Variants in PCDHGA9 observed in about 807,000 individuals in gnomAD.
The protein encoded by PCDHGA9 is protocadherin gamma-A9.
A neutral mutation model predicts 62.5 loss-of-function variants in PCDHGA9; 37 were observed. The observed-to-expected ratio is 0.59, with a 90% CI of 0.46 to 0.78. The LOEUF (loss-of-function observed/expected upper bound fraction) is 0.78, where lower values mean the gene tolerates loss of function less well. PCDHGA9 is among the 30% of genes least tolerant of loss of function. The pLI is 0.00. For missense variants in PCDHGA9, 1,138 were observed against 1,166.2 expected, an observed-to-expected ratio of 0.98 and a Z score of 0.35; for synonymous variants, 459 against 484.6, an observed-to-expected ratio of 0.95 and a Z score of 0.69.
At chr5:141,458,730 C>T (rs1239174331) in intron 1 of PCDHGA9, among the ~76,000 whole-genome samples, 1 of 151,928 alleles carries the variant, frequency 6.6e-6, no homozygotes, top group Non-Finnish European at 1.5e-5. Flanking sequence ...CCACCACATC[C>T]AGCTATTGGT....
rs143737031 is a variant in PCDHGA9 at position 141,454,359 on chromosome 5, G to C, written c.2425-40448G>C. Among the ~76,000 whole-genome samples, 105 of 152,200 alleles carry C rather than the reference G, an allele frequency of 6.9e-4. No individual in the cohort carries two copies. In the East Asian group the frequency reaches 0.014, roughly 20 times the overall value. ...AATGTTGGAAGTTGATCCAAACTTA[G>C]AAAGGAGTATGGCAACTTGTCAAGA... On this transcript the variant is annotated intron_variant, in intron 1 of 3. Coordinates refer to ENST00000573521, the MANE Select transcript of PCDHGA9 (RefSeq NM_018921.3).
At chr5:141,462,020 T>G (rs1371390043) in intron 1 of PCDHGA9, among the ~76,000 whole-genome samples, 6 of 152,110 alleles carry the variant, frequency 3.9e-5, no homozygotes, top group Non-Finnish European at 8.8e-5. Flanking sequence ...ACGGGGTTTC[T>G]TCATGTTGGT....
chr5:141,421,650 A>G, intron 1 of PCDHGA9: 1 of 1,613,868 alleles, frequency 6.2e-7, no homozygotes, highest in South Asian at 1.1e-5. Flanking sequence ...AAGTGGAGAT[A>G]AAAGTCAGTG....
intron 1 of PCDHGA9, chr5:141,423,157 G>T: frequency 1.9e-6 from 3 of 1,610,820 alleles, no homozygotes; most frequent in East Asian, 2.2e-5. Context: ...GCAGAGCCTC[G>T]TGGTGGCCGT....
Position 141,477,187 on chromosome 5 carries a change from G to A in PCDHGA9, c.2425-17620G>A, listed in dbSNP as rs2154575648. ...CCCCGGAGATCACAGTCACCTCCGT[G>A]TACAGCCCAGTACCCGAGGATGCCC... On this transcript the variant is annotated intron_variant, in intron 1 of 3. Coordinates refer to ENST00000573521, the MANE Select transcript of PCDHGA9 (RefSeq NM_018921.3). The surrounding 1 kb of genome is among the most constrained non-coding windows in gnomAD (Gnocchi z 4.9). The A allele has an allele frequency of 6.2e-7, 1 of 1,614,190 alleles. No individual in the cohort carries two copies. The highest frequency in any genetic ancestry group is 2.2e-5 in the East Asian group (1 of 44,874).
At chr5:141,472,620 A>G (rs2099290656) in intron 1 of PCDHGA9, among the ~76,000 whole-genome samples, 1 of 152,136 alleles carries the variant, frequency 6.6e-6, no homozygotes, top group Admixed American at 6.5e-5. Context: ...AGAAGAAAAA[A>G]GATAAAGACT....
intron 2 of PCDHGA9, among the ~76,000 whole-genome samples, chr5:141,503,269 C>A (rs1161751693): frequency 6.6e-6 from 1 of 152,116 alleles, no homozygotes; most frequent in Non-Finnish European, 1.5e-5. Context: ...ACCCCAGCAC[C>A]TGGCTCTGTG....
intron 1 of PCDHGA9, among the ~76,000 whole-genome samples, chr5:141,467,790 C>T (rs1321576171): frequency 6.6e-6 from 1 of 152,118 alleles, no homozygotes; most frequent in Non-Finnish European, 1.5e-5. Context: ...TCTCAAGTAG[C>T]TGGGACTACA....
chr5:141,473,796 G>A (rs2099328996), intron 1 of PCDHGA9, among the ~76,000 whole-genome samples: 1 of 152,224 alleles, frequency 6.6e-6, no homozygotes, highest in African/African-American at 2.4e-5. Context: ...GCAGTATGAT[G>A]CTACTGAGGA....
Position 141,405,059 on chromosome 5 carries a change from G to A in PCDHGA9, c.2107G>A (p.Val703Ile), listed in dbSNP as rs374581472. Reference sequence around the variant, plus strand: ...TGTGGCTGTGGCAGTCGTCTCCTGTGTCTTCCTCACCTTCGTTATCACGCT... The same window carrying A: ...TGTGGCTGTGGCAGTCGTCTCCTGTATCTTCCTCACCTTCGTTATCACGCT... Reference protein sequence around the residue: ...LVVAVAVVSCVFLTFVITLLA... With the variant: ...LVVAVAVVSCIFLTFVITLLA... The change falls in exon 1 of 4, where the codon GTC becomes ATC. Residue 703 changes from valine to isoleucine, a missense_variant. By Grantham distance (29) the Val-to-Ile change is conservative. Transcript: ENST00000573521. 1.4e-5 allele frequency: 22 copies of A among 1,613,900 alleles called. No homozygotes were observed. The highest frequency in any genetic ancestry group is 1.9e-5 in the Non-Finnish European group (22 of 1,179,790).
intron 1 of PCDHGA9, among the ~76,000 whole-genome samples, chr5:141,456,968 A>AAAAC (rs202005606): frequency 1.3e-4 from 20 of 152,282 alleles, no homozygotes; most frequent in Middle Eastern, 3.4e-3. Flanking sequence ...ATCTCAAAAC[A>AAAAC]AAACAAACAA....
intron 2 of PCDHGA9, among the ~76,000 whole-genome samples, chr5:141,499,083 C>G (rs2099789346): frequency 6.6e-6 from 1 of 152,082 alleles, no homozygotes; most frequent in African/African-American, 2.4e-5. Flanking sequence ...GAAGTTCCTG[C>G]TTGGCACATG....
At chr5:141,494,569 T>G (rs1341706026) in intron 1 of PCDHGA9, among the ~76,000 whole-genome samples, 2 of 152,190 alleles carry the variant, frequency 1.3e-5, no homozygotes, top group Non-Finnish European at 2.9e-5. Flanking sequence ...GAAAGGAGTC[T>G]CAGCTTGCTC....
chr5:141,476,756 C>T lies in PCDHGA9; in HGVS notation c.2425-18051C>T. On this transcript the variant is annotated intron_variant, in intron 1 of 3. Transcript: ENST00000573521. The surrounding 1 kb of genome is among the most constrained non-coding windows in gnomAD (Gnocchi z 7.6). ...ACGGGAGCCTAGTCTCCAGTTAGTGCTGACGGCGTTGGACGGAGGGACCCC... is the reference window on the plus strand; with the variant it reads ...ACGGGAGCCTAGTCTCCAGTTAGTGTTGACGGCGTTGGACGGAGGGACCCC... 3 of 1,613,928 alleles carry T rather than the reference C, an allele frequency of 1.9e-6. No homozygotes were observed. Among genetic ancestry groups the T allele is most frequent in the Non-Finnish European group, 2.5e-6 (3 of 1,180,010 alleles).
At position 141,486,960 on chromosome 5, in the gene PCDHGA9, T is replaced by C; in HGVS notation, c.2425-7847T>C. On this transcript the variant is annotated intron_variant, in intron 1 of 3. Transcript: ENST00000573521. The surrounding 1 kb of genome is among the most constrained non-coding windows in gnomAD (Gnocchi z 5.0). Reference sequence around the variant, plus strand: ...CACCTAATCACAAAGGTGACTGCTGTGGACTTGGATTCAGGTTACAATGCT... The same window carrying C: ...CACCTAATCACAAAGGTGACTGCTGCGGACTTGGATTCAGGTTACAATGCT... The C allele has an allele frequency of 6.2e-7, 1 of 1,614,228 alleles. No individual in the cohort carries two copies. Among genetic ancestry groups the C allele is most frequent in the Non-Finnish European group, 8.5e-7 (1 of 1,180,034 alleles).
chr5:141,482,530 CA>C (rs3074545), intron 1 of PCDHGA9, among the ~76,000 whole-genome samples: 1,133 of 76,538 alleles, frequency 0.015, 6 homozygotes, highest in Admixed American at 0.025. Flanking sequence ...GACAGACATG[CA>C]AAAAAAAAAA....
chr5:141,422,263 C>T lies in PCDHGA9; in HGVS notation c.2424+16887C>T, dbSNP rs755271863. On this transcript the variant is annotated intron_variant, in intron 1 of 3. Transcript: ENST00000573521. ...TGTTGTGGATGTGAATGATAACGCT[C>T]CAGAAATAACTATCACCTCTTCTAT... is the stretch of plus-strand genomic sequence containing the variant. 1.0e-5 allele frequency: 16 copies of T among 1,563,686 alleles called. No individual in the cohort carries two copies. The South Asian group carries it at 1.7e-4, about 17-fold the overall frequency.
intron 1 of PCDHGA9, chr5:141,422,001 C>T (rs2096616874): frequency 6.2e-7 from 1 of 1,609,114 alleles, no homozygotes; most frequent in Non-Finnish European, 8.5e-7. Context: ...ACATCAGCTC[C>T]GGAACTCGGG....
At chr5:141,501,983 C>T (rs957901405) in intron 2 of PCDHGA9, among the ~76,000 whole-genome samples, 1 of 152,068 alleles carries the variant, frequency 6.6e-6, no homozygotes, top group Non-Finnish European at 1.5e-5. Context: ...CATCTGGTCC[C>T]GTTGTCTCCC....
Sources: allele counts gnomAD v4.1 joint callset (sites outside exome capture counted in the v4.1 genomes callset), GRCh38; gene constraint gnomAD v4.1.1; non-coding constraint Gnocchi (gnomAD v3.1); transcripts MANE v1.5; gene names NCBI Gene and HGNC (gene_info 2026-07-23, HGNC 2026-07-21).